The following KCNQ1 variants were observed in gnomAD, a reference collection of about 807,000 sequenced individuals.
The protein encoded by KCNQ1 is potassium voltage-gated channel subfamily KQT member 1.
In KCNQ1, 49 loss-of-function variants were observed where a neutral mutation model predicts 72.4. The observed-to-expected ratio is 0.68, with a 90% CI of 0.54 to 0.86. KCNQ1 has a LOEUF of 0.86. Among genes scored for constraint, KCNQ1 ranks in the 40% least tolerant of loss-of-function variants. The pLI, the probability that KCNQ1 is intolerant of heterozygous loss-of-function variation, is 0.00. For missense variants in KCNQ1, 790 were observed against 945.1 expected, an observed-to-expected ratio of 0.84 and a Z score of 2.15; for synonymous variants, 450 against 412.6, an observed-to-expected ratio of 1.09 and a Z score of -1.10.
At chr11:2,636,377 G>A (rs1319497182) in intron 10 of KCNQ1, 1 of 151,794 alleles carries the variant, frequency 6.6e-6, no homozygotes, top group African/African-American at 2.4e-5. Context: ...CTAATTTATT[G>A]AGAGTTTTTA....
chr11:2,807,960 G>A (rs950582278), intron 15 of KCNQ1, among the ~76,000 whole-genome samples: 2 of 152,164 alleles, frequency 1.3e-5, no homozygotes, highest in African/African-American at 2.4e-5. Flanking sequence ...TGGAGCCTCG[G>A]TTTCCACATC....
In KCNQ1 at chr11:2,451,661, T is replaced by C. The variant is rs150002671; in HGVS notation, c.386+6177T>C. Among the ~76,000 whole-genome samples the C allele has an allele frequency of 6.3e-3, 957 of 152,280 alleles. 13 individuals are homozygous for C. The highest frequency in any genetic ancestry group is 0.022 in the African/African-American group (924 of 41,558). On this transcript the variant is annotated intron_variant, in intron 1 of 15. Transcript: ENST00000155840. The surrounding 1 kb of genome is among the most constrained non-coding windows in gnomAD (Gnocchi z 6.4). ...CTGTTGGCATCTGCCTGGCCGCCTC[T>C]GGCAGGAACTTCTCCTGATGGAAGA...
At chr11:2,629,581 A>G (rs2133814357) in intron 10 of KCNQ1, 1 of 398,492 alleles carries the variant, frequency 2.5e-6, no homozygotes, top group Non-Finnish European at 4.4e-6. Flanking sequence ...CATTTGTTGA[A>G]AAGAGAATCC....
Position 2,734,137 on chromosome 11 carries a change from C to G in KCNQ1, c.1515-34707C>G, listed in dbSNP as rs1845912752. Among the ~76,000 whole-genome samples, 1 of 152,122 alleles carries G rather than the reference C, an allele frequency of 6.6e-6. No homozygotes were observed. The highest frequency in any genetic ancestry group is 6.5e-5 in the Admixed American group (1 of 15,280). On this transcript the variant is annotated intron_variant, in intron 11 of 15. Coordinates refer to ENST00000155840, the MANE Select transcript of KCNQ1 (RefSeq NM_000218.3). This position sits in a 1 kb window ranked among gnomAD's most constrained non-coding sequence, Gnocchi z 7.0. ...TAGCACTGGCAGGGGTGGTCCTGCTCCGGCCCCAGGGCCCGCAGGTGTGTG... is the reference window on the plus strand; with the variant it reads ...TAGCACTGGCAGGGGTGGTCCTGCTGCGGCCCCAGGGCCCGCAGGTGTGTG...
rs1309295209 is a variant in KCNQ1 at position 2,473,828 on chromosome 11, G to T, written c.386+28344G>T. On this transcript the variant is annotated intron_variant, in intron 1 of 15. Coordinates refer to ENST00000155840, the MANE Select transcript of KCNQ1 (RefSeq NM_000218.3). This position sits in a 1 kb window ranked among gnomAD's most constrained non-coding sequence, Gnocchi z 6.0. ...CTGGCCAGGGTGGCCATTGCTCAGT[G>T]GCACCAGCTGGGCAGACAGCCGCAT... Among the ~76,000 whole-genome samples, 1 of 152,250 alleles carries T rather than the reference G, an allele frequency of 6.6e-6. No individual in the cohort carries two copies. The highest frequency in any genetic ancestry group is 1.5e-5 in the Non-Finnish European group (1 of 68,030).
rs540444343 is a variant in KCNQ1 at position 2,790,689 on chromosome 11, G to A, written c.1794+12652G>A. 4.9e-4 allele frequency among the ~76,000 whole-genome samples: 75 copies of A among 152,372 alleles called. 2 individuals carry two copies. The South Asian group carries it at 0.014, about 29-fold the overall frequency. The stretch of plus-strand genomic sequence containing the variant: ...GCGCCTCAGCCTCCTGGCCCCCAGT[G>A]GAGGGGACAGGCACCATTATGCCGA... On this transcript the variant is annotated intron_variant, in intron 15 of 15. Coordinates refer to ENST00000155840, the MANE Select transcript of KCNQ1 (RefSeq NM_000218.3).
chr11:2,446,197 G>A lies in KCNQ1; in HGVS notation c.386+713G>A, dbSNP rs1006389974. Among the ~76,000 whole-genome samples, 13 of 152,208 alleles carry A rather than the reference G, an allele frequency of 8.5e-5. No individual in the cohort carries two copies. Among genetic ancestry groups the A allele is most frequent in the African/African-American group, 2.7e-4 (11 of 41,460 alleles). On this transcript the variant is annotated intron_variant, in intron 1 of 15. Coordinates refer to ENST00000155840, the MANE Select transcript of KCNQ1 (RefSeq NM_000218.3). The surrounding 1 kb of genome is among the most constrained non-coding windows in gnomAD (Gnocchi z 8.8). ...AGGTGGTTCCAATTCCCGGTACAGC[G>A]TGCCTGAGCAGGGCTGGGCACTGGA...
chr11:2,646,829 T>C (rs1322508608), intron 10 of KCNQ1: 1 of 398,536 alleles, frequency 2.5e-6, no homozygotes, highest in Non-Finnish European at 4.4e-6. Flanking sequence ...CTAATTTTTG[T>C]TTGTTGATTT....
In KCNQ1 at chr11:2,678,256, T is replaced by C. The variant is rs1850327621; in HGVS notation, c.1514+16175T>C. The C allele has an allele frequency of 2.5e-6, 1 of 398,446 alleles. No homozygotes were observed. Among genetic ancestry groups the C allele is most frequent in the Non-Finnish European group, 4.4e-6 (1 of 225,972 alleles). The allele number at this position is 398,446 out of a possible 1,614,324, so 24.7% of individuals were successfully genotyped here. On this transcript the variant is annotated intron_variant, in intron 11 of 15. Coordinates refer to ENST00000155840, the MANE Select transcript of KCNQ1 (RefSeq NM_000218.3). The surrounding 1 kb of genome is among the most constrained non-coding windows in gnomAD (Gnocchi z 4.9). ...GAGGTCCTTATCTTAAATTCTGAAA[T>C]AACCTCTCATCCTGAAATTGTTTTA... is the stretch of plus-strand genomic sequence containing the variant.
intron 11 of KCNQ1, among the ~76,000 whole-genome samples, chr11:2,721,499 C>A (rs976583610): frequency 6.6e-6 from 1 of 152,246 alleles, no homozygotes; most frequent in East Asian, 1.9e-4. Flanking sequence ...TGTTTCACCC[C>A]CAAGGTGTGA....
intron 10 of KCNQ1, chr11:2,622,249 C>T (rs931109927): frequency 1.8e-5 from 7 of 398,228 alleles, no homozygotes; most frequent in South Asian, 1.3e-4. Flanking sequence ...GGTGTGTATA[C>T]GTTTCCAATT....
rs886194482 is a variant in KCNQ1, at chr11:2,514,804, C to T, written c.387-13124C>T. 4.6e-5 allele frequency among the ~76,000 whole-genome samples: 7 copies of T among 152,156 alleles called. No individual in the cohort carries two copies. The East Asian group carries it at 5.8e-4, about 13-fold the overall frequency. ...TTGCGCCACTGCACTCCAGCCTGGG[C>T]GACAGAGCCAGACTCCGTCTCGAAA... On this transcript the variant is annotated intron_variant, in intron 1 of 15. Transcript: ENST00000155840.
At chr11:2,743,575 G>T (rs1011925312) in intron 11 of KCNQ1, among the ~76,000 whole-genome samples, 1 of 152,168 alleles carries the variant, frequency 6.6e-6, no homozygotes, top group Non-Finnish European at 1.5e-5. Flanking sequence ...GAATCCCTAC[G>T]CCAGTCCCTG....
intron 15 of KCNQ1, among the ~76,000 whole-genome samples, chr11:2,842,004 C>A (rs139790568): frequency 6.6e-6 from 1 of 152,188 alleles, no homozygotes; most frequent in African/African-American, 2.4e-5. Context: ...TGCGCTGTGC[C>A]GAGGACCCGC....
intron 15 of KCNQ1, among the ~76,000 whole-genome samples, chr11:2,799,471 T>C (rs554880042): frequency 6.6e-6 from 1 of 151,812 alleles, no homozygotes; most frequent in African/African-American, 2.4e-5. Flanking sequence ...GGTGTGTTTG[T>C]ATGTGAGGGC....
At chr11:2,842,521 G>A (rs971612783) in intron 15 of KCNQ1, among the ~76,000 whole-genome samples, 1 of 152,214 alleles carries the variant, frequency 6.6e-6, no homozygotes, top group African/African-American at 2.4e-5. Flanking sequence ...GCAGGCAGGT[G>A]CACTCCAACC....
intron 10 of KCNQ1, chr11:2,648,667 A>C: frequency 2.5e-6 from 1 of 398,544 alleles, no homozygotes; most frequent in Non-Finnish European, 4.4e-6. Flanking sequence ...TTAAAAATTT[A>C]TTGAGACCCG....
chr11:2,693,787 A>G (rs760044940), intron 11 of KCNQ1: 1 of 398,836 alleles, frequency 2.5e-6, no homozygotes, highest in Non-Finnish European at 4.4e-6. Flanking sequence ...CGGCCAGTTC[A>G]GAGGAGCATG....
Position 2,663,906 on chromosome 11 carries a change from A to C in KCNQ1, c.1514+1825A>C. On this transcript the variant is annotated intron_variant, in intron 11 of 15. Transcript: ENST00000155840. This position sits in a 1 kb window ranked among gnomAD's most constrained non-coding sequence, Gnocchi z 5.2. ...GACCCCAAGCCAGTGTGGCTGTGTC[A>C]TCTAGGACACTGGGCTGTTTCTTGT... 1 of 398,714 alleles carries C rather than the reference A, an allele frequency of 2.5e-6. No individual in the cohort carries two copies. The allele number at this position is 398,714 out of a possible 1,614,324, so 24.7% of individuals were successfully genotyped here. A position where few individuals can be genotyped will look rare whatever the true frequency, so the allele number is the denominator to read the frequency against.
Sources: allele counts gnomAD v4.1 joint callset (sites outside exome capture counted in the v4.1 genomes callset), GRCh38; gene constraint gnomAD v4.1.1; non-coding constraint Gnocchi (gnomAD v3.1); transcripts MANE v1.5; gene names NCBI Gene and HGNC (gene_info 2026-07-23, HGNC 2026-07-21).